TAFA5: variants seen among roughly 807,000 people sequenced by gnomAD.
TAFA5 encodes the protein chemokine-like protein TAFA-5.
Under a neutral mutation model 15.3 loss-of-function variants are expected in TAFA5, and 6 were observed. The observed-to-expected ratio is 0.39, with a 90% CI of 0.21 to 0.77. TAFA5 has a LOEUF of 0.77. Among genes scored for constraint, TAFA5 ranks in the 30% least tolerant of loss-of-function variants. TAFA5 has a pLI of 0.41. For synonymous variants in TAFA5, 103 were observed against 80.7 expected (o/e 1.28, Z -1.48); for missense variants, 161 against 193.1 (o/e 0.83, Z 0.98).
In TAFA5 at chr22:48,542,051, CGT is replaced by C. The variant is rs373495544; in HGVS notation, c.112+52357_112+52358del. 9.1e-3 allele frequency among the ~76,000 whole-genome samples: 1,366 copies of C among 150,764 alleles called. 17 individuals are homozygous for C. Among genetic ancestry groups the C allele is most frequent in the African/African-American group, 0.032 (1,319 of 40,918 alleles). ...GGTGTTCAGATTGGAGGGGCCGGGG[CGT>C]GTGTGTGTGGTGTGTGTGTGCGTGT... is the stretch of plus-strand genomic sequence containing the variant. On this transcript the variant is annotated intron_variant, in intron 1 of 3. Coordinates refer to ENST00000402357, the MANE Select transcript of TAFA5 (RefSeq NM_001082967.3).
chr22:48,571,585 T>TTTG (rs1923592034), intron 1 of TAFA5, among the ~76,000 whole-genome samples: 1 of 131,778 alleles, frequency 7.6e-6, no homozygotes, highest in Non-Finnish European at 1.6e-5. Flanking sequence ...TTTTTTTTTT[T>TTTG]TTTTTTTTTT....
At chr22:48,624,194 T>G (rs1925948090) in intron 1 of TAFA5, among the ~76,000 whole-genome samples, 1 of 152,198 alleles carries the variant, frequency 6.6e-6, no homozygotes, top group African/African-American at 2.4e-5. Context: ...TCCCCATGAT[T>G]AGAATCGGGC....
intron 2 of TAFA5, among the ~76,000 whole-genome samples, chr22:48,678,949 CTG>C (rs1359972103): frequency 9.3e-5 from 14 of 150,878 alleles, no homozygotes; most frequent in Non-Finnish European, 1.6e-4. Flanking sequence ...TCTCCCAGCT[CTG>C]CGTCCATCCC....
chr22:48,584,782 G>A (rs550833751), intron 1 of TAFA5, among the ~76,000 whole-genome samples: 2 of 135,192 alleles, frequency 1.5e-5, no homozygotes, highest in Admixed American at 7.4e-5. Context: ...CATCACACAC[G>A]CTACATGCCA....
At chr22:48,660,167 T>A (rs1430816961) in intron 2 of TAFA5, among the ~76,000 whole-genome samples, 1 of 152,140 alleles carries the variant, frequency 6.6e-6, no homozygotes, top group African/African-American at 2.4e-5. Flanking sequence ...ATATTGCAAA[T>A]CCTCTAAACT....
At chr22:48,744,530 C>A (rs1436304572) in intron 3 of TAFA5, among the ~76,000 whole-genome samples, 1 of 152,204 alleles carries the variant, frequency 6.6e-6, no homozygotes, top group Non-Finnish European at 1.5e-5. Flanking sequence ...AGAGCCCCCA[C>A]TGATTCCCTC....
Position 48,674,515 on chromosome 22 carries a change from C to T in TAFA5, c.262+27769C>T, listed in dbSNP as rs143529586. Among the ~76,000 whole-genome samples, 464 of 152,286 alleles carry T rather than the reference C, an allele frequency of 3.0e-3. 14 individuals carry two copies. In the East Asian group the frequency reaches 0.067, roughly 22 times the overall value. ...GTTACAGTTTGCACAACGGTGATCT[C>T]GGTGTTATTGATTGAATCGCGTCAT... On this transcript the variant is annotated intron_variant, in intron 2 of 3. Coordinates refer to ENST00000402357, the MANE Select transcript of TAFA5 (RefSeq NM_001082967.3).
At position 48,561,468 on chromosome 22, in the gene TAFA5, T is replaced by C. The variant is rs566368085; in HGVS notation, c.112+71764T>C. On this transcript the variant is annotated intron_variant, in intron 1 of 3. Coordinates refer to ENST00000402357, the MANE Select transcript of TAFA5 (RefSeq NM_001082967.3). ...AGCAGGGGCTGTGTTTCCAGCCTCG[T>C]TTCGTGGATGAAAAATCACCCACAC... Among the ~76,000 whole-genome samples, 5 of 152,230 alleles carry C rather than the reference T, an allele frequency of 3.3e-5. No homozygotes were observed. The South Asian group carries it at 1.0e-3, about 32-fold the overall frequency.
intron 3 of TAFA5, among the ~76,000 whole-genome samples, chr22:48,731,604 C>T (rs188599149): frequency 5.9e-5 from 9 of 152,330 alleles, no homozygotes; most frequent in East Asian, 1.9e-4. Context: ...AAACCTACTC[C>T]GCCTGTGCTC....
intron 1 of TAFA5, among the ~76,000 whole-genome samples, chr22:48,592,007 C>T (rs960901207): frequency 3.3e-5 from 5 of 152,148 alleles, no homozygotes; most frequent in Admixed American, 6.5e-5. Flanking sequence ...CCCACGGCCC[C>T]GGGGCACCTC....
chr22:48,726,620 CGG>C (rs1929723438), intron 3 of TAFA5, among the ~76,000 whole-genome samples: 1 of 133,678 alleles, frequency 7.5e-6, no homozygotes, highest in African/African-American at 2.9e-5. Flanking sequence ...GTAGTCTGGA[CGG>C]GAGAATCACT....
At chr22:48,602,301 A>C (rs546040560) in intron 1 of TAFA5, among the ~76,000 whole-genome samples, 1 of 152,174 alleles carries the variant, frequency 6.6e-6, no homozygotes, top group Non-Finnish European at 1.5e-5. Flanking sequence ...CCACCCCCCC[A>C]CAAGCACACC....
At chr22:48,584,238 G>T (rs984063719) in intron 1 of TAFA5, among the ~76,000 whole-genome samples, 1 of 127,672 alleles carries the variant, frequency 7.8e-6, no homozygotes, top group Non-Finnish European at 1.6e-5. Context: ...ACACACATTG[G>T]ACACCACACA....
At chr22:48,617,487 G>A (rs549779030) in intron 1 of TAFA5, among the ~76,000 whole-genome samples, 3 of 152,324 alleles carry the variant, frequency 2.0e-5, no homozygotes, top group African/African-American at 7.2e-5. Flanking sequence ...CTGCAGCCGT[G>A]TGGAGCTCCT....
intron 1 of TAFA5, among the ~76,000 whole-genome samples, chr22:48,574,626 C>T (rs1923696390): frequency 6.6e-6 from 1 of 152,170 alleles, no homozygotes; most frequent in African/African-American, 2.4e-5. Context: ...AGCACTGCCC[C>T]CACCCTGCAC....
intron 1 of TAFA5, among the ~76,000 whole-genome samples, chr22:48,573,566 C>T (rs1923658711): frequency 6.6e-6 from 1 of 152,176 alleles, no homozygotes; most frequent in Non-Finnish European, 1.5e-5. Flanking sequence ...GAGTTTGCAG[C>T]TGTGATTGCT....
At chr22:48,744,000 T>C (rs1683300887) in intron 3 of TAFA5, among the ~76,000 whole-genome samples, 2 of 152,224 alleles carry the variant, frequency 1.3e-5, no homozygotes, top group African/African-American at 4.8e-5. Flanking sequence ...TTCTGCGTAG[T>C]TTCAGTCCTA....
intron 2 of TAFA5, among the ~76,000 whole-genome samples, chr22:48,676,554 T>C (rs1018001535): frequency 2.0e-5 from 3 of 152,154 alleles, no homozygotes; most frequent in African/African-American, 7.2e-5. Context: ...GCTCCCACTC[T>C]CCAAGCCTGT....
intron 1 of TAFA5, among the ~76,000 whole-genome samples, chr22:48,573,385 T>G (rs2147139561): frequency 6.6e-6 from 1 of 152,164 alleles, no homozygotes; most frequent in Admixed American, 6.5e-5. Context: ...TTGTAAAGGG[T>G]TTTTCCTGTC....
Sources: gnomAD v4.1 joint callset for allele counts (sites outside exome capture counted in the v4.1 genomes callset) on GRCh38, gnomAD v4.1.1 for gene constraint, MANE v1.5 for transcripts, NCBI Gene and HGNC (gene_info 2026-07-23, HGNC 2026-07-21) for gene names.